CDH8: variants seen among roughly 807,000 people sequenced by gnomAD.
CDH8 encodes cadherin 8, also known as cadherin-8.
Under a neutral mutation model 68.1 loss-of-function variants are expected in CDH8, and 17 were observed. That is an observed-to-expected ratio of 0.25 (90% CI 0.17 to 0.37). The LOEUF (loss-of-function observed/expected upper bound fraction) is 0.37, where lower values mean the gene tolerates loss of function less well. Among genes scored for constraint, CDH8 ranks in the 10% least tolerant of loss-of-function variants. The pLI is 1.00. For synonymous variants in CDH8, 372 were observed against 365.1 expected (o/e 1.02, Z -0.21); for missense variants, 763 against 999.3 (o/e 0.76, Z 3.19).
chr16:61,719,367 T>G (rs2142877942), intron 9 of CDH8, among the ~76,000 whole-genome samples: 1 of 151,262 alleles, frequency 6.6e-6, no homozygotes, highest in South Asian at 2.1e-4. Context: ...TTTCATTCAC[T>G]TTACCTTTCT....
intron 8 of CDH8, among the ~76,000 whole-genome samples, chr16:61,754,757 T>C (rs1596935461): frequency 6.6e-6 from 1 of 152,200 alleles, no homozygotes; most frequent in African/African-American, 2.4e-5. Context: ...AACTGCATAT[T>C]TTTTTAATTT....
chr16:61,719,258 G>A (rs1027766259), intron 9 of CDH8, among the ~76,000 whole-genome samples: 3 of 150,750 alleles, frequency 2.0e-5, no homozygotes, highest in African/African-American at 4.9e-5. Flanking sequence ...TAATCTTATT[G>A]ACACACTAAA....
chr16:61,858,088 C>G (rs1338753023), intron 3 of CDH8, among the ~76,000 whole-genome samples: 1 of 151,866 alleles, frequency 6.6e-6, no homozygotes, highest in African/African-American at 2.4e-5. Context: ...CACACACACA[C>G]ATACACACAC....
intron 6 of CDH8, 119 bp downstream of exon 6, chr16:61,820,807 C>G: frequency 1.3e-6 from 1 of 766,488 alleles, no homozygotes; most frequent in Non-Finnish European, 2.1e-6. Context: ...TCTTACTGCT[C>G]AAAGCTAAAC....
intron 9 of CDH8, among the ~76,000 whole-genome samples, chr16:61,724,827 T>C (rs1959301146): frequency 1.3e-5 from 2 of 150,762 alleles, no homozygotes; most frequent in African/African-American, 2.4e-5. Context: ...TTGTTGAACT[T>C]CTATAAGTAA....
intron 2 of CDH8, among the ~76,000 whole-genome samples, chr16:61,977,740 A>G (rs989796436): frequency 6.6e-5 from 10 of 152,278 alleles, no homozygotes; most frequent in African/African-American, 2.4e-4. Context: ...CCCATAAGAC[A>G]TCTGAACTCT....
chr16:61,962,481 A>G (rs935609520), intron 2 of CDH8, among the ~76,000 whole-genome samples: 1 of 152,110 alleles, frequency 6.6e-6, no homozygotes, highest in Non-Finnish European at 1.5e-5. Context: ...CATTTTCTGT[A>G]CCATCACATG....
chr16:61,737,517 AAAT>A (rs1269126707), intron 8 of CDH8, among the ~76,000 whole-genome samples: 9 of 152,168 alleles, frequency 5.9e-5, no homozygotes, highest in Non-Finnish European at 1.5e-5. Context: ...AAGATATTGG[AAAT>A]AATGTCAATA....
chr16:61,852,020 T>C, intron 4 of CDH8, among the ~76,000 whole-genome samples: 1 of 152,012 alleles, frequency 6.6e-6, no homozygotes, highest in East Asian at 1.9e-4. Flanking sequence ...GTCTCATCAG[T>C]AAAAGTGAGA....
At chr16:61,841,280 C>A (rs1830469119) in intron 4 of CDH8, among the ~76,000 whole-genome samples, 1 of 152,128 alleles carries the variant, frequency 6.6e-6, no homozygotes, top group Non-Finnish European at 1.5e-5. Context: ...TGAGAAACCT[C>A]CAAACTGTTC....
At chr16:62,015,930 T>A (rs1211385630) in intron 2 of CDH8, among the ~76,000 whole-genome samples, 1 of 152,188 alleles carries the variant, frequency 6.6e-6, no homozygotes, top group Non-Finnish European at 1.5e-5. Context: ...TAAATTTCTA[T>A]TGTTTATTAG....
At chr16:61,895,556 C>T (rs923301900) in intron 3 of CDH8, among the ~76,000 whole-genome samples, 2 of 151,986 alleles carry the variant, frequency 1.3e-5, no homozygotes, top group African/African-American at 4.8e-5. Flanking sequence ...CTAAGAATAC[C>T]CCAAGTGTCA....
intron 10 of CDH8, among the ~76,000 whole-genome samples, chr16:61,703,519 T>G (rs2142853186): frequency 6.6e-6 from 1 of 152,310 alleles, no homozygotes; most frequent in Non-Finnish European, 1.5e-5. Flanking sequence ...TTTTATTTCT[T>G]TATCTTTTAA....
chr16:61,701,699 G>T (rs1331370621), intron 10 of CDH8, among the ~76,000 whole-genome samples: 1 of 152,138 alleles, frequency 6.6e-6, no homozygotes, highest in Non-Finnish European at 1.5e-5. Context: ...CATCCATATA[G>T]AATTAGTTAC....
chr16:61,738,519 G>A (rs1210845869), intron 8 of CDH8, among the ~76,000 whole-genome samples: 2 of 152,062 alleles, frequency 1.3e-5, no homozygotes, highest in Non-Finnish European at 2.9e-5. Flanking sequence ...TAGAGCTACT[G>A]GAGAGAGACC....
intron 2 of CDH8, among the ~76,000 whole-genome samples, chr16:61,986,431 A>G (rs988307249): frequency 9.9e-5 from 15 of 152,244 alleles, no homozygotes; most frequent in African/African-American, 2.9e-4. Flanking sequence ...CTGATTGTAT[A>G]TACCTGGTGA....
intron 10 of CDH8, among the ~76,000 whole-genome samples, chr16:61,712,602 G>A (rs1964652134): frequency 6.6e-6 from 1 of 151,526 alleles, no homozygotes; most frequent in Non-Finnish European, 1.5e-5. Flanking sequence ...TATTGGTGAT[G>A]CTAATAAATA....
chr16:61,855,924 G>A (rs1490373712), intron 4 of CDH8, among the ~76,000 whole-genome samples: 1 of 152,076 alleles, frequency 6.6e-6, no homozygotes, highest in African/African-American at 2.4e-5. Flanking sequence ...CTTCTTGGCT[G>A]CGGAAGGATA....
chr16:61,753,392 A>C (rs1960223776), intron 8 of CDH8, among the ~76,000 whole-genome samples: 1 of 152,010 alleles, frequency 6.6e-6, no homozygotes, highest in Non-Finnish European at 1.5e-5. Flanking sequence ...GGCATGTGCC[A>C]CCACGCCCAT....
Sources: gnomAD v4.1 joint callset for allele counts (sites outside exome capture counted in the v4.1 genomes callset) on GRCh38, gnomAD v4.1.1 for gene constraint, MANE v1.5 for transcripts, NCBI Gene and HGNC (gene_info 2026-07-23, HGNC 2026-07-21) for gene names.